CREB3L2: variants seen among roughly 807,000 people sequenced by gnomAD.
The protein encoded by CREB3L2 is cAMP responsive element binding protein 3 like 2.
In CREB3L2, 23 loss-of-function variants were observed where a neutral mutation model predicts 57.2. The ratio of observed to expected loss-of-function variants is 0.40; its 90% CI spans 0.29 to 0.57. CREB3L2 has a LOEUF of 0.57. Among genes scored for constraint, CREB3L2 ranks in the 20% least tolerant of loss-of-function variants. CREB3L2 has a pLI of 0.42. For synonymous variants in CREB3L2, 268 were observed against 265.1 expected, an observed-to-expected ratio of 1.01 and a Z score of -0.11; for missense variants, 628 against 634.7, an observed-to-expected ratio of 0.99 and a Z score of 0.11.
At chr7:137,930,991 G>A (rs1800603256) in intron 1 of CREB3L2, among the ~76,000 whole-genome samples, 1 of 150,286 alleles carries the variant, frequency 6.7e-6, no homozygotes, top group African/African-American at 2.4e-5. Context: ...CAGTACTTTG[G>A]GAGGCTGAGG....
intron 1 of CREB3L2, among the ~76,000 whole-genome samples, chr7:137,944,306 A>T (rs1423787933): frequency 6.6e-6 from 1 of 152,190 alleles, no homozygotes; most frequent in Non-Finnish European, 1.5e-5. Context: ...CTGCCTCATG[A>T]TGTCTGCAAA....
intron 6 of CREB3L2, among the ~76,000 whole-genome samples, chr7:137,905,102 CT>C (rs1409790727): frequency 6.6e-6 from 1 of 151,760 alleles, no homozygotes; most frequent in African/African-American, 2.4e-5. Flanking sequence ...CCTGGTAGGC[CT>C]GTGCCTCAGC....
chr7:137,929,678 T>C (rs1490281419), intron 1 of CREB3L2, among the ~76,000 whole-genome samples: 6 of 149,416 alleles, frequency 4.0e-5, no homozygotes, highest in East Asian at 4.1e-4. Context: ...CTGGCCAACA[T>C]AGTGAAACCC....
chr7:137,984,431 G>C (rs1164808990), intron 1 of CREB3L2, among the ~76,000 whole-genome samples: 1 of 152,206 alleles, frequency 6.6e-6, no homozygotes, highest in Admixed American at 6.5e-5. Flanking sequence ...CCACCAGTGA[G>C]GCTGATGTTA....
chr7:137,887,437 G>A (rs1214114656), intron 8 of CREB3L2, among the ~76,000 whole-genome samples: 4 of 152,188 alleles, frequency 2.6e-5, no homozygotes, highest in Non-Finnish European at 5.9e-5. Context: ...GGCCAGGCGC[G>A]GTGGCTCACG....
intron 8 of CREB3L2, among the ~76,000 whole-genome samples, chr7:137,890,707 TGTGACCTC>T (rs1368136368): frequency 6.6e-6 from 1 of 152,202 alleles, no homozygotes; most frequent in African/African-American, 2.4e-5. Context: ...TGGGAAAGCC[TGTGACCTC>T]GTAACTGATA....
At chr7:137,983,436 T>C (rs2117317615) in intron 1 of CREB3L2, among the ~76,000 whole-genome samples, 1 of 152,304 alleles carries the variant, frequency 6.6e-6, no homozygotes, top group South Asian at 2.1e-4. Flanking sequence ...CATGTTCCAA[T>C]AAATCTGGCT....
At position 137,878,425 on chromosome 7, in the gene CREB3L2, T is replaced by C. The variant is rs1799206095; in HGVS notation, c.*2051A>G. 1 of 232,862 alleles carries C rather than the reference T, an allele frequency of 4.3e-6. No homozygotes were observed. The highest frequency in any genetic ancestry group is 2.2e-5 in the African/African-American group (1 of 45,318). The allele number at this position is 232,862 out of a possible 1,614,324, so 14.4% of individuals were successfully genotyped here. On this transcript the variant is annotated 3_prime_UTR_variant, in exon 12 of 12. Coordinates refer to ENST00000330387, the MANE Select transcript of CREB3L2 (RefSeq NM_194071.4). ...GGCCCTATAGGCTGCCTATGCCTGA[T>C]AATGACCTGACAGTTTAAAAGAGAG...
intron 1 of CREB3L2, among the ~76,000 whole-genome samples, chr7:137,951,716 C>T (rs1462048194): frequency 6.6e-6 from 1 of 152,178 alleles, no homozygotes; most frequent in Admixed American, 6.5e-5. Context: ...GACATGGTGG[C>T]TCATGCCTGT....
chr7:137,908,440 C>CA lies in CREB3L2; in HGVS notation c.584-5dup. The CA allele has an allele frequency of 7.9e-7, 1 of 1,260,896 alleles. No homozygotes were observed. 78.1% of individuals were successfully genotyped at this position (1,260,896 alleles called of 1,614,324 possible). On this transcript the variant is annotated splice_region_variant and splice_polypyrimidine_tract_variant and intron_variant, in intron 4 of 11. Coordinates refer to ENST00000330387, the MANE Select transcript of CREB3L2 (RefSeq NM_194071.4). ...AAATGCAGGTGGTCCACTGGGGCTG[C>CA]AAAAAAGGAAGCACATCTCATCCAT...
At chr7:137,909,954 T>C (rs148595968) in intron 4 of CREB3L2, among the ~76,000 whole-genome samples, 14 of 152,322 alleles carry the variant, frequency 9.2e-5, no homozygotes, top group African/African-American at 2.9e-4. Context: ...TTTTCTCTAT[T>C]GCCTGACGCC....
intron 1 of CREB3L2, among the ~76,000 whole-genome samples, chr7:137,975,680 T>C (rs537472771): frequency 6.6e-6 from 1 of 152,086 alleles, no homozygotes; most frequent in Admixed American, 6.6e-5. Flanking sequence ...CAACATCCAA[T>C]TGTAAAATAG....
chr7:137,899,365 T>A (rs1657121175), intron 8 of CREB3L2, among the ~76,000 whole-genome samples: 1 of 152,062 alleles, frequency 6.6e-6, no homozygotes, highest in Non-Finnish European at 1.5e-5. Context: ...TCCAAGGAGG[T>A]CTTTGCTCTT....
chr7:137,925,971 A>G (rs1191055535), intron 2 of CREB3L2, among the ~76,000 whole-genome samples: 3 of 152,234 alleles, frequency 2.0e-5, no homozygotes. Flanking sequence ...TAAGAGCTAT[A>G]AATAGAACAA....
chr7:137,973,314 C>G (rs999886236), intron 1 of CREB3L2, among the ~76,000 whole-genome samples: 1 of 152,026 alleles, frequency 6.6e-6, no homozygotes, highest in African/African-American at 2.4e-5. Flanking sequence ...CAAGGAGAAT[C>G]CACACACTCC....
intron 10 of CREB3L2, among the ~76,000 whole-genome samples, chr7:137,883,830 T>C (rs1223634614): frequency 1.3e-5 from 2 of 152,206 alleles, no homozygotes; most frequent in Non-Finnish European, 2.9e-5. Context: ...AAGGGGGGAC[T>C]ACTGTACTGC....
chr7:137,973,078 A>G (rs925738143), intron 1 of CREB3L2, among the ~76,000 whole-genome samples: 6 of 151,876 alleles, frequency 4.0e-5, no homozygotes, highest in Non-Finnish European at 7.4e-5. Context: ...AAGAAATAGC[A>G]TATCTAGTGG....
At chr7:137,933,634 C>T (rs952489808) in intron 1 of CREB3L2, 2 of 152,256 alleles carry the variant, frequency 1.3e-5, no homozygotes, top group African/African-American at 4.8e-5. Context: ...AACCTCCCCT[C>T]TGGAAAAGGA....
At chr7:137,888,280 G>C (rs1799468322) in intron 8 of CREB3L2, among the ~76,000 whole-genome samples, 1 of 149,412 alleles carries the variant, frequency 6.7e-6, no homozygotes, top group African/African-American at 2.4e-5. Flanking sequence ...TTCTTTAAAA[G>C]CATTTTGTAT....
Sources: gnomAD v4.1 joint callset for allele counts (sites outside exome capture counted in the v4.1 genomes callset) on GRCh38, gnomAD v4.1.1 for gene constraint, MANE v1.5 for transcripts, NCBI Gene and HGNC (gene_info 2026-07-23, HGNC 2026-07-21) for gene names.